Variants in PRKCB observed in about 807,000 individuals in gnomAD.
PRKCB encodes the protein protein kinase C beta type.
A neutral mutation model predicts 81.5 loss-of-function variants in PRKCB; 13 were observed. The ratio of observed to expected loss-of-function variants is 0.16; its 90% CI spans 0.10 to 0.25. The LOEUF (loss-of-function observed/expected upper bound fraction) is 0.25. Ranked by LOEUF, PRKCB falls within the 10% of genes least tolerant of loss-of-function variation. The pLI, the probability that PRKCB is intolerant of heterozygous loss-of-function variation, is 1.00. For synonymous variants in PRKCB, 335 were observed against 321.4 expected (o/e 1.04, Z -0.45); for missense variants, 509 against 875.7 (o/e 0.58, Z 5.29).
chr16:24,038,609 G>C (rs1404582239), intron 5 of PRKCB, among the ~76,000 whole-genome samples: 1 of 152,202 alleles, frequency 6.6e-6, no homozygotes, highest in Non-Finnish European at 1.5e-5. Flanking sequence ...ACTCAGCATG[G>C]GCTTGTTGAT....
At chr16:23,920,756 A>G (rs1451721209) in intron 2 of PRKCB, among the ~76,000 whole-genome samples, 1 of 152,224 alleles carries the variant, frequency 6.6e-6, no homozygotes. Flanking sequence ...GCCCTTCAAG[A>G]GTCCTGCAGA....
At chr16:23,999,671 G>C (rs1032450761) in intron 3 of PRKCB, among the ~76,000 whole-genome samples, 3 of 152,140 alleles carry the variant, frequency 2.0e-5, no homozygotes, top group Admixed American at 1.3e-4. Context: ...CAGGTCTCTG[G>C]TACTGTCATA....
At chr16:24,193,471 AT>A (rs1182702203) in intron 16 of PRKCB, among the ~76,000 whole-genome samples, 47 of 148,640 alleles carry the variant, frequency 3.2e-4, no homozygotes, top group Admixed American at 7.4e-4. Context: ...AAATAAATAA[AT>A]AAATAAATAA....
chr16:23,982,078 C>CCCTTCT (rs1174288032), intron 2 of PRKCB, among the ~76,000 whole-genome samples: 8 of 121,718 alleles, frequency 6.6e-5, no homozygotes, highest in African/African-American at 1.7e-4. Flanking sequence ...CTTTCCCTTC[C>CCCTTCT]CTTTCCCTTC....
intron 10 of PRKCB, among the ~76,000 whole-genome samples, chr16:24,161,391 G>T (rs1431540766): frequency 2.0e-5 from 3 of 152,126 alleles, no homozygotes; most frequent in African/African-American, 7.2e-5. Context: ...ACATGGAAAA[G>T]AATCAGAAGG....
chr16:24,093,506 C>A (rs542879941), intron 6 of PRKCB, among the ~76,000 whole-genome samples: 2 of 152,334 alleles, frequency 1.3e-5, no homozygotes, highest in Non-Finnish European at 2.9e-5. Flanking sequence ...GTTAAGCGAT[C>A]CGACTTCATC....
At chr16:24,077,535 C>T (rs1481034933) in intron 5 of PRKCB, among the ~76,000 whole-genome samples, 1 of 151,902 alleles carries the variant, frequency 6.6e-6, no homozygotes, top group East Asian at 1.9e-4. Context: ...TACATTCATC[C>T]ATACATTCAT....
intron 5 of PRKCB, among the ~76,000 whole-genome samples, chr16:24,085,343 T>A (rs1481232363): frequency 6.6e-6 from 1 of 152,190 alleles, no homozygotes; most frequent in African/African-American, 2.4e-5. Flanking sequence ...CAAGATTCAT[T>A]TGTATGAAAA....
At chr16:23,898,523 G>T (rs1454295410) in intron 2 of PRKCB, among the ~76,000 whole-genome samples, 3 of 152,118 alleles carry the variant, frequency 2.0e-5, no homozygotes, top group Admixed American at 6.5e-5. Flanking sequence ...TACAATTACA[G>T]TTATGATAAG....
At chr16:24,116,099 C>T (rs941895851) in intron 8 of PRKCB, among the ~76,000 whole-genome samples, 9 of 152,126 alleles carry the variant, frequency 5.9e-5, no homozygotes, top group Admixed American at 2.0e-4. Flanking sequence ...TGTTTGGTTA[C>T]GGGGCTTTGA....
chr16:24,094,809 G>GAGGAAGGA (rs71154277), intron 7 of PRKCB, among the ~76,000 whole-genome samples: 3,278 of 116,700 alleles, frequency 0.028, 68 homozygotes, highest in African/African-American at 0.032. Context: ...GGAAGGGAGG[G>GAGGAAGGA]AGGAAGGAAG....
intron 5 of PRKCB, among the ~76,000 whole-genome samples, chr16:24,089,445 G>T (rs948186530): frequency 6.6e-6 from 1 of 152,164 alleles, no homozygotes; most frequent in Non-Finnish European, 1.5e-5. Flanking sequence ...ATGTCAGTAC[G>T]TGTGGAAATG....
intron 16 of PRKCB, among the ~76,000 whole-genome samples, chr16:24,213,435 A>G (rs367779091): frequency 9.2e-5 from 14 of 152,144 alleles, no homozygotes; most frequent in African/African-American, 3.1e-4. Context: ...AACAAATTAC[A>G]TAGTCTCCGT....
At position 23,853,706 on chromosome 16, in the gene PRKCB, A is replaced by G. The variant is rs956661716; in HGVS notation, c.205+16300A>G. 8.6e-5 allele frequency among the ~76,000 whole-genome samples: 13 copies of G among 151,738 alleles called. 1 individual carries two copies. Among genetic ancestry groups the G allele is most frequent in the Admixed American group, 8.5e-4 (13 of 15,232 alleles). ...ACATAGCAGGGAAAGAGTGAGTTCT[A>G]TTTGTGTTCCTAAAAGTGAAATAAA... On this transcript the variant is annotated intron_variant, in intron 2 of 16. Transcript: ENST00000643927.
chr16:24,021,286 T>C (rs1442861916), intron 3 of PRKCB, among the ~76,000 whole-genome samples: 2 of 69,404 alleles, frequency 2.9e-5, no homozygotes, highest in African/African-American at 6.6e-5. Context: ...CTTTTCTCCC[T>C]CTCCCTCCCT....
chr16:24,115,587 G>A (rs748558281), intron 8 of PRKCB, among the ~76,000 whole-genome samples: 7 of 151,156 alleles, frequency 4.6e-5, no homozygotes, highest in Non-Finnish European at 7.4e-5. Context: ...TTTATCCGAA[G>A]AGTATTTATC....
chr16:23,954,640 C>A (rs932013092), intron 2 of PRKCB, among the ~76,000 whole-genome samples: 1 of 152,224 alleles, frequency 6.6e-6, no homozygotes, highest in Non-Finnish European at 1.5e-5. Flanking sequence ...CACCTTAGTT[C>A]AGCTTAGCTG....
chr16:24,053,864 AG>A (rs1280785361), intron 5 of PRKCB, among the ~76,000 whole-genome samples: 24 of 152,300 alleles, frequency 1.6e-4, no homozygotes, highest in African/African-American at 5.8e-4. Flanking sequence ...GAGGAAACAG[AG>A]AGGCAGCTGC....
At chr16:23,887,950 C>T (rs772825009) in intron 2 of PRKCB, among the ~76,000 whole-genome samples, 4 of 152,300 alleles carry the variant, frequency 2.6e-5, no homozygotes, top group Non-Finnish European at 5.9e-5. Context: ...CTGTATGGTC[C>T]TGGCCTTTTT....
Sources: gnomAD v4.1 joint callset for allele counts (sites outside exome capture counted in the v4.1 genomes callset) on GRCh38, gnomAD v4.1.1 for gene constraint, MANE v1.5 for transcripts, NCBI Gene and HGNC (gene_info 2026-07-23, HGNC 2026-07-21) for gene names.